Variants in LEMD3 observed in about 807,000 individuals in gnomAD.
LEMD3 encodes the protein inner nuclear membrane protein Man1.
A neutral mutation model predicts 95.2 loss-of-function variants in LEMD3; 33 were observed. The ratio of observed to expected loss-of-function variants is 0.35; its 90% CI spans 0.26 to 0.46. The LOEUF is 0.46. LEMD3 is among the 20% of genes least tolerant of loss of function. The pLI, the probability that LEMD3 is intolerant of heterozygous loss-of-function variation, is 1.00. For synonymous variants in LEMD3, 525 were observed against 474.6 expected (o/e 1.11, Z -1.38); for missense variants, 1,210 against 1,192.8 (o/e 1.01, Z -0.21).
At chr12:65,182,381 A>G (rs575529013) in intron 1 of LEMD3, among the ~76,000 whole-genome samples, 25 of 152,278 alleles carry the variant, frequency 1.6e-4, no homozygotes, top group African/African-American at 5.1e-4. Flanking sequence ...GGAGTGATAT[A>G]TAACTGTAAT....
At chr12:65,217,962 T>C (rs968120862) in intron 3 of LEMD3, among the ~76,000 whole-genome samples, 5 of 152,330 alleles carry the variant, frequency 3.3e-5, no homozygotes, top group Admixed American at 2.6e-4. Flanking sequence ...GGACAACAGA[T>C]GCATACTACC....
chr12:65,199,475 C>G (rs949886210), intron 1 of LEMD3, among the ~76,000 whole-genome samples: 2 of 151,934 alleles, frequency 1.3e-5, no homozygotes, highest in African/African-American at 4.8e-5. Flanking sequence ...TTTCTAGACA[C>G]AAGATCTTAT....
chr12:65,246,311 C>T lies in LEMD3; in HGVS notation c.2722C>T (p.Gln908Ter). The T allele has an allele frequency of 6.2e-7, 1 of 1,612,730 alleles. No homozygotes were observed. The highest frequency in any genetic ancestry group is 8.5e-7 in the Non-Finnish European group (1 of 1,179,036). ...TCTTCGGACTGGCCTAACCAATTCT[C>T]AAGGAAGTTCCTGAAAAGATTTTCT... ...LRLRTGLTNSQGSS is the reference protein window; with the variant it reads ...LRLRTGLTNS The change falls in exon 13 of 13, where the codon CAA (glutamine) becomes TAA (stop). Residue 908 changes from glutamine (Q) to a stop codon, truncating the protein, a stop_gained. Transcript: ENST00000308330. LOFTEE classifies it high-confidence loss of function.
intron 9 of LEMD3, among the ~76,000 whole-genome samples, chr12:65,241,317 GC>G (rs1870933284): frequency 6.6e-6 from 1 of 151,760 alleles, no homozygotes; most frequent in South Asian, 2.1e-4. Flanking sequence ...CTTGAATCTT[GC>G]CTTTTTCACT....
Position 65,240,157 on chromosome 12 carries a change from A to G in LEMD3, c.2045A>G (p.Glu682Gly). The G allele has an allele frequency of 6.2e-7, 1 of 1,613,492 alleles. No individual in the cohort carries two copies. The highest frequency in any genetic ancestry group is 8.5e-7 in the Non-Finnish European group (1 of 1,179,512). ...KIIDVLRSHN[E>G]ACQENKDLQP... is the part of the protein sequence containing the mutation. ...TTAGATGTTTTACGAAGTCATAATG[A>G]AGCCTGCCAGGAAAACAAAGATTTA... The change falls in exon 8 of 13, where the codon GAA (glutamate) becomes GGA (glycine). Residue 682 changes from glutamate (E) to glycine (G), a missense_variant. This residue lies in a region of LEMD3 where 461 missense variants were observed against 569.8 expected (regional missense o/e 0.81). Coordinates refer to ENST00000308330, the MANE Select transcript of LEMD3 (RefSeq NM_014319.5).
intron 11 of LEMD3, 24 bp from the exon 12 acceptor site, chr12:65,245,833 CTATT>C (rs751098484): frequency 1.3e-6 from 2 of 1,570,648 alleles, no homozygotes; most frequent in Admixed American, 1.7e-5. Flanking sequence ...TAAACTAAGA[CTATT>C]TTCTTTCTTT....
chr12:65,194,697 C>G lies in LEMD3; in HGVS notation c.1523-16229C>G, dbSNP rs528245983. Among the ~76,000 whole-genome samples, 4 of 151,758 alleles carry G rather than the reference C, an allele frequency of 2.6e-5. No homozygotes were observed. The South Asian group carries it at 8.3e-4, about 32-fold the overall frequency. On this transcript the variant is annotated intron_variant, in intron 1 of 12. Transcript: ENST00000308330. The stretch of plus-strand genomic sequence containing the variant: ...CAGGATAATGTCTGGTAATTGATAT[C>G]TATACCTTAGCAGAATTTGGGCTCC...
At chr12:65,202,886 A>G (rs1269570822) in intron 1 of LEMD3, among the ~76,000 whole-genome samples, 1 of 152,142 alleles carries the variant, frequency 6.6e-6, no homozygotes, top group East Asian at 1.9e-4. Context: ...CATGGGATCC[A>G]TAGTAATGTC....
chr12:65,187,585 T>G (rs1449470933), intron 1 of LEMD3, among the ~76,000 whole-genome samples: 2 of 151,212 alleles, frequency 1.3e-5, no homozygotes, highest in African/African-American at 4.9e-5. Flanking sequence ...TTTGGAATTA[T>G]TCCCACTTCC....
intron 2 of LEMD3, among the ~76,000 whole-genome samples, chr12:65,214,863 G>A (rs921945047): frequency 2.6e-5 from 4 of 151,986 alleles, no homozygotes; most frequent in Admixed American, 6.5e-5. Context: ...CCTCCTGATC[G>A]TAATTGCTCT....
chr12:65,219,683 T>A (rs1047221586), intron 4 of LEMD3, among the ~76,000 whole-genome samples: 10 of 152,162 alleles, frequency 6.6e-5, no homozygotes, highest in African/African-American at 2.4e-4. Context: ...TGACTGAAAC[T>A]CTATAGCCAT....
intron 1 of LEMD3, among the ~76,000 whole-genome samples, chr12:65,184,098 T>C (rs1320598073): frequency 6.6e-6 from 1 of 152,190 alleles, no homozygotes; most frequent in Non-Finnish European, 1.5e-5. Context: ...GAAGTTCTTA[T>C]TCATCATGCT....
At chr12:65,228,838 A>C (rs1870537132) in intron 4 of LEMD3, among the ~76,000 whole-genome samples, 1 of 152,244 alleles carries the variant, frequency 6.6e-6, no homozygotes, top group South Asian at 2.1e-4. Flanking sequence ...TGTGTTGGGA[A>C]CATTCAAAAT....
chr12:65,198,385 G>C (rs888861757), intron 1 of LEMD3, among the ~76,000 whole-genome samples: 6 of 152,034 alleles, frequency 3.9e-5, no homozygotes, highest in Non-Finnish European at 7.4e-5. Flanking sequence ...CTGTTCACTT[G>C]TCACCATGCA....
intron 1 of LEMD3, among the ~76,000 whole-genome samples, chr12:65,192,411 G>C (rs1215087453): frequency 6.6e-6 from 1 of 152,008 alleles, no homozygotes; most frequent in South Asian, 2.1e-4. Flanking sequence ...TATAGGTTTT[G>C]CCTGTGTGGG....
rs1868510422 is a variant in LEMD3, at chr12:65,170,641, G to A, written c.1045G>A (p.Val349Met). The A allele has an allele frequency of 6.2e-7, 1 of 1,614,048 alleles. No homozygotes were observed. The change falls in exon 1 of 13, where the codon GTG becomes ATG. Residue 349 changes from valine to methionine, a missense_variant. Val to Met is a conservative substitution (Grantham distance 21, BLOSUM62 1). This residue lies in a region of LEMD3 where 749 missense variants were observed against 622.9 expected (regional missense o/e 1.20). Coordinates refer to ENST00000308330, the MANE Select transcript of LEMD3 (RefSeq NM_014319.5). The stretch of plus-strand genomic sequence containing the variant: ...GGAGCAGGGAGGAGGGTGTGATCAA[G>A]TGGACTCCAGCCCCGTTCCTAGATA... ...AAEQGGGCDQ[V>M]DSSPVPRYRV...
chr12:65,208,504 T>C (rs1160490092), intron 1 of LEMD3, among the ~76,000 whole-genome samples: 1 of 152,128 alleles, frequency 6.6e-6, no homozygotes, highest in East Asian at 1.9e-4. Context: ...GAGGGTGTTA[T>C]ATATTTTCAC....
At chr12:65,182,177 C>T (rs952966930) in intron 1 of LEMD3, among the ~76,000 whole-genome samples, 1 of 152,088 alleles carries the variant, frequency 6.6e-6, no homozygotes, top group African/African-American at 2.4e-5. Context: ...TACCAGGCAG[C>T]AGTAGAATTT....
Position 65,170,528 on chromosome 12 carries a change from A to T in LEMD3, c.932A>T (p.Gln311Leu), listed in dbSNP as rs1253016294. 1.2e-6 allele frequency: 2 copies of T among 1,613,930 alleles called. No individual in the cohort carries two copies. Among genetic ancestry groups the T allele is most frequent in the Non-Finnish European group, 8.5e-7 (1 of 1,180,000 alleles). ...GGCGGCAGGCTGGAGACTTCAGTTC[A>T]GGGAGGGGGAGGACTCGCGATGAAT... The part of the protein sequence containing the change: ...SAGGRLETSV[Q>L]GGGGLAMNDR... The change falls in exon 1 of 13, where the codon CAG (glutamine) becomes CTG (leucine). Residue 311 changes from glutamine to leucine, a missense_variant. Gln to Leu is a moderately radical substitution (Grantham distance 113, BLOSUM62 -2). Transcript: ENST00000308330.
Sources: gnomAD v4.1 joint callset for allele counts (sites outside exome capture counted in the v4.1 genomes callset) on GRCh38, gnomAD v4.1.1 for gene constraint, gnomAD v4.1.1 regional missense constraint, MANE v1.5 for transcripts, NCBI Gene and HGNC (gene_info 2026-07-23, HGNC 2026-07-21) for gene names.